The following LEPROTL1 variants were observed in gnomAD, a reference collection of about 807,000 sequenced individuals.
LEPROTL1 encodes the protein leptin receptor overlapping transcript-like 1.
A neutral mutation model predicts 15.4 loss-of-function variants in LEPROTL1; 6 were observed. That is an observed-to-expected ratio of 0.39 (90% CI 0.21 to 0.77). The LOEUF (loss-of-function observed/expected upper bound fraction) is 0.77. Ranked by LOEUF, LEPROTL1 falls within the 30% of genes least tolerant of loss-of-function variation. The pLI, the probability that LEPROTL1 is intolerant of heterozygous loss-of-function variation, is 0.41. For missense variants in LEPROTL1, 128 were observed against 158.1 expected (o/e 0.81, Z 1.02); for synonymous variants, 56 against 52.6 (o/e 1.06, Z -0.28).
chr8:30,132,407 C>T (rs574657592), exon 4 of LEPROTL1: 2 of 1,551,762 alleles, frequency 1.3e-6, no homozygotes, highest in Admixed American at 3.9e-5. Flanking sequence ...ACATATCCCT[C>T]CTCTCCAGGG....
chr8:30,116,191 G>T (rs1039239545), intron 3 of LEPROTL1, among the ~76,000 whole-genome samples: 9 of 152,034 alleles, frequency 5.9e-5, no homozygotes, highest in Non-Finnish European at 1.0e-4. Context: ...AGTGAGCTGT[G>T]ATCATGCCAC....
chr8:30,100,777 T>A (rs1466212411), intron 1 of LEPROTL1, among the ~76,000 whole-genome samples: 4 of 152,224 alleles, frequency 2.6e-5, no homozygotes, highest in Non-Finnish European at 5.9e-5. Context: ...TTAGTCTAGG[T>A]CATTGGTTAA....
At position 30,096,513 on chromosome 8, in the gene LEPROTL1, C is replaced by A. The variant is rs189349963; in HGVS notation, c.16+985C>A. 160 of 375,760 alleles carry A rather than the reference C, an allele frequency of 4.3e-4. 1 individual carries two copies. Among genetic ancestry groups the A allele is most frequent in the East Asian group, 3.6e-3 (22 of 6,122 alleles). The allele number at this position is 375,760 out of a possible 1,614,324, so 23.3% of individuals were successfully genotyped here. A position where few individuals can be genotyped will look rare whatever the true frequency, so the allele number is the denominator to read the frequency against. ...TTTCAGGGTCACAGTCTTACTGTTT[C>A]TTGTTTATTTTCAATGTCTGAAAAC... is the stretch of plus-strand genomic sequence containing the variant. On this transcript the variant is annotated intron_variant, in intron 1 of 3. Transcript: ENST00000321250.
chr8:30,103,680 T>C (rs1017410823), intron 2 of LEPROTL1, among the ~76,000 whole-genome samples: 4 of 149,592 alleles, frequency 2.7e-5, no homozygotes. Flanking sequence ...AGGCAGAAGT[T>C]GCAGTGAGCC....
At chr8:30,110,939 T>G (rs1802646297), downstream of LEPROTL1, among the ~76,000 whole-genome samples, 1 of 152,200 alleles carries the variant, frequency 6.6e-6, no homozygotes, top group African/African-American at 2.4e-5. Flanking sequence ...TCTTTTTCTC[T>G]TGGTAGATCA....
intron 3 of LEPROTL1, among the ~76,000 whole-genome samples, chr8:30,116,448 G>A (rs900871236): frequency 2.2e-4 from 33 of 152,214 alleles, no homozygotes; most frequent in East Asian, 5.8e-4. Context: ...CATAAGGAGC[G>A]CGCAACCTAG....
chr8:30,095,718 G>A, intron 1 of LEPROTL1, 190 bp downstream of exon 1: 1 of 686,416 alleles, frequency 1.5e-6, no homozygotes, highest in Admixed American at 2.1e-5. Context: ...GGCAACGGAC[G>A]GTTGCGACCC....
rs538553782 is a variant in LEPROTL1, at chr8:30,101,224, A to G, written c.17-674A>G. On this transcript the variant is annotated intron_variant, in intron 1 of 3. Coordinates refer to ENST00000321250, the MANE Select transcript of LEPROTL1 (RefSeq NM_015344.3). ...ACTTGAGCATGTGGAGTTTCTCCAC[A>G]TACTGCTTTTCAAAACTGTAGTGAT... Among the ~76,000 whole-genome samples the G allele has an allele frequency of 3.9e-5, 6 of 152,318 alleles. 1 individual carries two copies. In the South Asian group the frequency reaches 1.2e-3, roughly 32 times the overall value.
At chr8:30,104,714 C>CTTTT in intron 3 of LEPROTL1, 2 of 200,520 alleles carry the variant, frequency 1.0e-5, no homozygotes, top group Non-Finnish European at 1.9e-5. Flanking sequence ...TTTTTTTTTT[C>CTTTT]TTTTTTTTTT....
chr8:30,095,600 C>A, intron 1 of LEPROTL1, 72 bp downstream of exon 1: 2 of 1,197,654 alleles, frequency 1.7e-6, no homozygotes. Flanking sequence ...CCCACGCGGC[C>A]CCCGCACTTC....
chr8:30,103,690 C>T (rs901100022), intron 2 of LEPROTL1, among the ~76,000 whole-genome samples: 1 of 149,686 alleles, frequency 6.7e-6, no homozygotes, highest in Non-Finnish European at 1.5e-5. Flanking sequence ...TGCAGTGAGC[C>T]GAGATCATGC....
intron 3 of LEPROTL1, among the ~76,000 whole-genome samples, chr8:30,105,318 A>T (rs548256309): frequency 6.6e-6 from 1 of 152,294 alleles, no homozygotes; most frequent in East Asian, 1.9e-4. Context: ...ATATGCTAAA[A>T]TTTAATCTAC....
chr8:30,112,621 G>T (rs1213027159), downstream of LEPROTL1, among the ~76,000 whole-genome samples: 2 of 151,534 alleles, frequency 1.3e-5, no homozygotes, highest in African/African-American at 2.4e-5. Flanking sequence ...CAGCATAGGG[G>T]CTACATACCA....
intron 1 of LEPROTL1, among the ~76,000 whole-genome samples, chr8:30,099,584 G>A (rs1191116592): frequency 8.4e-6 from 1 of 118,622 alleles, no homozygotes. Context: ...CCTGGCGACA[G>A]CGCAAGACTC....
chr8:30,115,300 T>C (rs1329955678), intron 3 of LEPROTL1, among the ~76,000 whole-genome samples: 3 of 151,842 alleles, frequency 2.0e-5, no homozygotes, highest in Non-Finnish European at 4.4e-5. Context: ...GAGATTGCAG[T>C]GAGCCAAGAT....
intron 3 of LEPROTL1, among the ~76,000 whole-genome samples, chr8:30,126,419 T>C (rs1043457204): frequency 1.3e-5 from 2 of 152,186 alleles, no homozygotes; most frequent in African/African-American, 2.4e-5. Context: ...TTTCTAACAT[T>C]TGAACTTTAG....
Position 30,106,119 on chromosome 8 carries a change from T to G in LEPROTL1, c.*257T>G. ...ATGCTTTTTGTGGTGTCCTGCTGAATTTAAATATTTATGTGTTTTTCCTGT... is the reference window on the plus strand; with the variant it reads ...ATGCTTTTTGTGGTGTCCTGCTGAAGTTAAATATTTATGTGTTTTTCCTGT... On this transcript the variant is annotated 3_prime_UTR_variant, in exon 4 of 4. Transcript: ENST00000321250. 1 of 1,020,138 alleles carries G rather than the reference T, an allele frequency of 9.8e-7. No homozygotes were observed. The highest frequency in any genetic ancestry group is 1.2e-6 in the Non-Finnish European group (1 of 852,272). 63.2% of individuals were successfully genotyped at this position (1,020,138 alleles called of 1,614,324 possible). A position where few individuals can be genotyped will look rare whatever the true frequency, so the allele number is the denominator to read the frequency against.
rs774421697 is a variant in LEPROTL1, at chr8:30,106,003, G to A, written c.*141G>A. The A allele has an allele frequency of 1.3e-4, 164 of 1,257,036 alleles. No homozygotes were observed. Among genetic ancestry groups the A allele is most frequent in the Non-Finnish European group, 1.5e-4 (151 of 990,588 alleles). The allele number at this position is 1,257,036 out of a possible 1,614,324, so 77.9% of individuals were successfully genotyped here. A position where few individuals can be genotyped will look rare whatever the true frequency, so the allele number is the denominator to read the frequency against. On this transcript the variant is annotated 3_prime_UTR_variant, in exon 4 of 4. Coordinates refer to ENST00000321250, the MANE Select transcript of LEPROTL1 (RefSeq NM_015344.3). The stretch of plus-strand genomic sequence containing the variant: ...TAGGTGCTCCCTTCTCACTTTTATT[G>A]TAAGCATACTATTTTCACAGAGACT...
intron 3 of LEPROTL1, among the ~76,000 whole-genome samples, chr8:30,115,869 C>T (rs999786154): frequency 1.3e-5 from 2 of 152,020 alleles, no homozygotes; most frequent in African/African-American, 4.8e-5. Flanking sequence ...CCAGGTAGTA[C>T]ATATGAAAAT....
Sources: gnomAD v4.1 joint callset for allele counts (sites outside exome capture counted in the v4.1 genomes callset) on GRCh38, gnomAD v4.1.1 for gene constraint, MANE v1.5 for transcripts, NCBI Gene and HGNC (gene_info 2026-07-23, HGNC 2026-07-21) for gene names.